Variants in MAPK10 observed in about 807,000 individuals in gnomAD.
MAPK10 encodes mitogen-activated protein kinase 10.
A neutral mutation model predicts 59.3 loss-of-function variants in MAPK10; 25 were observed. The observed-to-expected ratio is 0.42, with a 90% CI of 0.31 to 0.59. The LOEUF is 0.59. Among genes scored for constraint, MAPK10 ranks in the 20% least tolerant of loss-of-function variants. The probability of loss-of-function intolerance (pLI) is 0.15; values close to 1 mark genes in which losing one functional copy is unlikely to be tolerated. For missense variants in MAPK10, 351 were observed against 568.9 expected (o/e 0.62, Z 3.90); for synonymous variants, 190 against 200.5 (o/e 0.95, Z 0.44).
chr4:86,026,040 G>A (rs1442428320), intron 13 of MAPK10, among the ~76,000 whole-genome samples: 2 of 152,146 alleles, frequency 1.3e-5, no homozygotes, highest in Admixed American at 6.6e-5. Context: ...GTGACCCTAA[G>A]ACATATTCCC....
chr4:86,317,040 G>A (rs62307366), intron 2 of MAPK10, among the ~76,000 whole-genome samples: 46,213 of 151,868 alleles, frequency 0.3, 7,476 homozygotes, highest in Non-Finnish European at 0.37. Context: ...GTCCATAAAG[G>A]AGAAATAATC....
chr4:86,462,891 G>A (rs1383299080), intron 1 of MAPK10, among the ~76,000 whole-genome samples: 1 of 152,128 alleles, frequency 6.6e-6, no homozygotes, highest in Non-Finnish European at 1.5e-5. Flanking sequence ...GAAAGACAAA[G>A]TTCCTGCCAA....
intron 1 of MAPK10, chr4:86,429,665 T>G (rs1373755741): frequency 6.6e-6 from 1 of 152,062 alleles, no homozygotes; most frequent in African/African-American, 2.4e-5. Context: ...TACCTAGGCA[T>G]GGTGGTGCAT....
At chr4:86,158,427 A>G (rs1261484891) in intron 4 of MAPK10, among the ~76,000 whole-genome samples, 4 of 151,778 alleles carry the variant, frequency 2.6e-5, no homozygotes, top group Admixed American at 6.6e-5. Context: ...TCATCCCTTA[A>G]AAGTGTTTGT....
At chr4:86,355,374 A>C (rs977320974) in intron 1 of MAPK10, among the ~76,000 whole-genome samples, 1 of 151,878 alleles carries the variant, frequency 6.6e-6, no homozygotes, top group Middle Eastern at 3.4e-3. Context: ...CCCTCTCACT[A>C]TCCCACCACC....
Position 86,463,290 on chromosome 4 carries a change from CTG to C in MAPK10, c.-262-108648_-262-108647del, listed in dbSNP as rs1212533592. Among the ~76,000 whole-genome samples the C allele has an allele frequency of 9.8e-5, 15 of 152,316 alleles. No individual in the cohort carries two copies. In the East Asian group the frequency reaches 1.9e-3, roughly 20 times the overall value. On this transcript the variant is annotated intron_variant, in intron 1 of 4. Coordinates refer to the MAPK10 transcript ENST00000502302. Reference sequence around the variant, plus strand: ...TTACTATCCACTTAGCTGAGCAAGACTGTGAATGGTTTGCATTTACAATTCCT... The same window carrying C: ...TTACTATCCACTTAGCTGAGCAAGACTGAATGGTTTGCATTTACAATTCCT...
chr4:86,240,297 T>C (rs2092626454), intron 2 of MAPK10, among the ~76,000 whole-genome samples: 1 of 152,188 alleles, frequency 6.6e-6, no homozygotes, highest in Non-Finnish European at 1.5e-5. Flanking sequence ...ATAAGTGCCA[T>C]GTGGCAGTGA....
At chr4:86,590,332 ATTCT>A (rs2149116934) in intron 1 of MAPK10, among the ~76,000 whole-genome samples, 1 of 152,258 alleles carries the variant, frequency 6.6e-6, no homozygotes, top group South Asian at 2.1e-4. Flanking sequence ...GCTGCTAATC[ATTCT>A]AATTTATACT....
At chr4:86,146,562 G>A (rs1266034015) in intron 4 of MAPK10, among the ~76,000 whole-genome samples, 1 of 152,104 alleles carries the variant, frequency 6.6e-6, no homozygotes. Context: ...GGTGGAATGT[G>A]AGCAAAAGGG....
At chr4:86,522,623 C>G (rs903193034) in intron 1 of MAPK10, among the ~76,000 whole-genome samples, 9 of 152,028 alleles carry the variant, frequency 5.9e-5, no homozygotes, top group African/African-American at 1.9e-4. Context: ...GCTCTTATTT[C>G]GTTGGTTCTG....
chr4:86,189,502 T>C (rs1356830931), intron 3 of MAPK10, among the ~76,000 whole-genome samples: 2 of 152,180 alleles, frequency 1.3e-5, no homozygotes, highest in Non-Finnish European at 2.9e-5. Flanking sequence ...TTTATTCTCT[T>C]TGTAGCAGTT....
intron 3 of MAPK10, among the ~76,000 whole-genome samples, chr4:86,189,442 T>C (rs2079111468): frequency 6.6e-6 from 1 of 152,208 alleles, no homozygotes; most frequent in Admixed American, 6.5e-5. Flanking sequence ...TGTTTTGTAG[T>C]TCTCCTTGAA....
intron 11 of MAPK10, among the ~76,000 whole-genome samples, chr4:86,062,373 T>C (rs1353327486): frequency 2.6e-5 from 4 of 152,166 alleles, no homozygotes; most frequent in Non-Finnish European, 1.5e-5. Context: ...GCTATTTTAG[T>C]ATCCTAAATT....
chr4:86,224,694 C>A (rs2090304739), intron 2 of MAPK10, among the ~76,000 whole-genome samples: 1 of 152,178 alleles, frequency 6.6e-6, no homozygotes, highest in East Asian at 1.9e-4. Context: ...CATATGTATA[C>A]CTTCCCTTTC....
At chr4:86,505,029 T>C (rs1275685077) in intron 1 of MAPK10, among the ~76,000 whole-genome samples, 1 of 152,142 alleles carries the variant, frequency 6.6e-6, no homozygotes, top group Admixed American at 6.6e-5. Flanking sequence ...GACCCTGCAC[T>C]ATTTTTTCAT....
Position 86,232,923 on chromosome 4 carries a change from A to G in MAPK10, c.-6-38516T>C, listed in dbSNP as rs566356768. Among the ~76,000 whole-genome samples, 17 of 141,940 alleles carry G rather than the reference A, an allele frequency of 1.2e-4. No individual in the cohort carries two copies. The South Asian group carries it at 3.7e-3, about 31-fold the overall frequency. 93.1% of individuals were successfully genotyped at this position (141,940 alleles called of 152,430 possible). On this transcript the variant is annotated intron_variant, in intron 2 of 13. Transcript: ENST00000641462. ...ATGAAGAAAGGTATGGAGGTATGTC[A>G]TGGTCTGTGCTGGAGTGAAGACTGC...
intron 2 of MAPK10, among the ~76,000 whole-genome samples, chr4:86,214,331 G>A (rs1464193198): frequency 6.6e-6 from 1 of 151,814 alleles, no homozygotes; most frequent in Non-Finnish European, 1.5e-5. Context: ...AACAAGGTAA[G>A]GATGTTCACT....
At chr4:86,532,596 A>G (rs1187219013) in intron 1 of MAPK10, among the ~76,000 whole-genome samples, 1 of 152,202 alleles carries the variant, frequency 6.6e-6, no homozygotes, top group Non-Finnish European at 1.5e-5. Context: ...CTACTCATTT[A>G]TATACCACCT....
chr4:86,032,428 T>A (rs925736930), intron 11 of MAPK10: 1 of 152,166 alleles, frequency 6.6e-6, no homozygotes, highest in Admixed American at 6.5e-5. Flanking sequence ...GGCACCGGTT[T>A]AAGCGCAAAG....
Sources: allele counts gnomAD v4.1 joint callset (sites outside exome capture counted in the v4.1 genomes callset), GRCh38; gene constraint gnomAD v4.1.1; transcripts MANE v1.5; gene names NCBI Gene and HGNC (gene_info 2026-07-23, HGNC 2026-07-21).